Variants in MAP3K14 observed in about 807,000 individuals in gnomAD.
MAP3K14 encodes mitogen-activated protein kinase kinase kinase 14.
In MAP3K14, 16 loss-of-function variants were observed where a neutral mutation model predicts 99.2. That is an observed-to-expected ratio of 0.16 (90% confidence interval 0.11 to 0.24). The LOEUF (loss-of-function observed/expected upper bound fraction) is 0.24. Ranked by LOEUF, MAP3K14 falls within the 10% of genes least tolerant of loss-of-function variation. The pLI is 1.00. For synonymous variants in MAP3K14, 462 were observed against 492.4 expected (o/e 0.94, Z 0.82); for missense variants, 784 against 1,208.7 (o/e 0.65, Z 5.21).
chr17:45,269,174 C>G (rs2044123153), intron 11 of MAP3K14, among the ~76,000 whole-genome samples: 1 of 152,032 alleles, frequency 6.6e-6, no homozygotes, highest in African/African-American at 2.4e-5. Context: ...CCATGCCTGG[C>G]TAATTTTTAA....
intron 1 of MAP3K14, among the ~76,000 whole-genome samples, chr17:45,306,544 A>G (rs762034839): frequency 6.6e-6 from 1 of 152,212 alleles, no homozygotes; most frequent in Non-Finnish European, 1.5e-5. Flanking sequence ...CAGGCCTGAC[A>G]TAGCCAGGCC....
chr17:45,264,558 C>T lies in MAP3K14; in HGVS notation c.*78G>A, dbSNP rs2044054957. On this transcript the variant is annotated 3_prime_UTR_variant, in exon 16 of 16. Transcript: ENST00000344686. Reference sequence around the variant, plus strand: ...TGGCAGATCCCTGGGAACGGCTGAGCCTGTGTTTCAGGGCAGCATCGTGCA... The same window carrying T: ...TGGCAGATCCCTGGGAACGGCTGAGTCTGTGTTTCAGGGCAGCATCGTGCA... The T allele has an allele frequency of 2.1e-6, 3 of 1,443,884 alleles. No homozygotes were observed. The highest frequency in any genetic ancestry group is 2.4e-5 in the Admixed American group (1 of 41,514). The allele number at this position is 1,443,884 out of a possible 1,614,324, so 89.4% of individuals were successfully genotyped here.
intron 14 of MAP3K14, among the ~76,000 whole-genome samples, chr17:45,266,072 A>T (rs1341053590): frequency 6.6e-6 from 1 of 152,240 alleles, no homozygotes; most frequent in Non-Finnish European, 1.5e-5. Flanking sequence ...TGTTGTAGCA[A>T]AGCCACATCA....
chr17:45,297,746 G>A (rs147715122), intron 1 of MAP3K14, among the ~76,000 whole-genome samples: 7,162 of 135,720 alleles, frequency 0.053, 238 homozygotes, highest in Non-Finnish European at 0.074. Context: ...TTGAGATGGA[G>A]TCTTGCTCTG....
chr17:45,293,321 G>A (rs921717751), intron 1 of MAP3K14, among the ~76,000 whole-genome samples: 10 of 152,146 alleles, frequency 6.6e-5, no homozygotes, highest in Admixed American at 3.9e-4. Flanking sequence ...ATGGCCCAAC[G>A]GAGGCTTCTG....
chr17:45,275,745 TTTTTC>T (rs1156818626), intron 6 of MAP3K14, among the ~76,000 whole-genome samples: 101 of 145,620 alleles, frequency 6.9e-4, no homozygotes, highest in Admixed American at 4.4e-3. Flanking sequence ...GGTGCATTTT[TTTTTC>T]TTTTCTTTTC....
rs1197062677 is a variant in MAP3K14, at chr17:45,272,602, A to T, written c.1657+901T>A. The stretch of plus-strand genomic sequence containing the variant: ...ACAAAATTGTGTTATAATGGCCCTA[A>T]CTAGGCACAGGGAAAACAACAGCCT... On this transcript the variant is annotated intron_variant, in intron 9 of 15. Coordinates refer to ENST00000344686, the MANE Select transcript of MAP3K14 (RefSeq NM_003954.5). The surrounding 1 kb of genome is among the most constrained non-coding windows in gnomAD (Gnocchi z 4.1). 6.6e-6 allele frequency among the ~76,000 whole-genome samples: 1 copy of T among 152,214 alleles called. No individual in the cohort carries two copies. The highest frequency in any genetic ancestry group is 1.5e-5 in the Non-Finnish European group (1 of 68,038).
chr17:45,264,913 C>T (rs1367701598), intron 15 of MAP3K14, 113 bp from the exon 16 acceptor site: 5 of 1,159,220 alleles, frequency 4.3e-6, no homozygotes, highest in East Asian at 5.1e-5. Flanking sequence ...CACTGCCTGT[C>T]TGTCATTCCA....
At chr17:45,310,161 G>C (rs1053900764) in intron 1 of MAP3K14, among the ~76,000 whole-genome samples, 1 of 151,326 alleles carries the variant, frequency 6.6e-6, no homozygotes, top group African/African-American at 2.4e-5. Context: ...AGCCTCCCGA[G>C]TAGCTGGGAT....
intron 1 of MAP3K14, among the ~76,000 whole-genome samples, chr17:45,307,983 G>A (rs12449740): frequency 0.47 from 71,034 of 152,106 alleles, 17,000 homozygotes; most frequent in East Asian, 0.73. Context: ...TTGAGGACAT[G>A]AGTGGCAGAG....
intron 3 of MAP3K14, among the ~76,000 whole-genome samples, chr17:45,287,612 A>G (rs1473167282): frequency 6.6e-6 from 1 of 152,242 alleles, no homozygotes; most frequent in Non-Finnish European, 1.5e-5. Context: ...TTCATTTAAA[A>G]AGCCCAGCTC....
rs7223267 is a variant in MAP3K14 at position 45,291,561 on chromosome 17, C to T, written c.-20-796G>A. Among the ~76,000 whole-genome samples, 1,086 of 152,316 alleles carry T rather than the reference C, an allele frequency of 7.1e-3. 15 individuals are homozygous for T. The highest frequency in any genetic ancestry group is 0.024 in the African/African-American group (1,004 of 41,550). On this transcript the variant is annotated intron_variant, in intron 1 of 15. Coordinates refer to ENST00000344686, the MANE Select transcript of MAP3K14 (RefSeq NM_003954.5). The stretch of plus-strand genomic sequence containing the variant: ...ATAAAGAATAAAGCATAAGAATTCA[C>T]GTCTCTCTGGGTTCTGTCTTGCCCA...
At chr17:45,304,817 T>A (rs2044418613) in intron 1 of MAP3K14, among the ~76,000 whole-genome samples, 1 of 152,220 alleles carries the variant, frequency 6.6e-6, no homozygotes, top group African/African-American at 2.4e-5. Flanking sequence ...GTTTGAATCT[T>A]AGTTTCTCAA....
intron 1 of MAP3K14, among the ~76,000 whole-genome samples, chr17:45,304,474 T>C (rs2044416393): frequency 1.3e-5 from 2 of 152,360 alleles, no homozygotes; most frequent in South Asian, 4.1e-4. Flanking sequence ...TGGTAAGCTC[T>C]TGGGATTGGA....
intron 1 of MAP3K14, among the ~76,000 whole-genome samples, chr17:45,291,756 G>C (rs982052861): frequency 6.6e-6 from 1 of 152,238 alleles, no homozygotes; most frequent in African/African-American, 2.4e-5. Context: ...TCTCAGGCAT[G>C]ACTTGCTTTA....
Position 45,287,053 on chromosome 17 carries a change from G to C in MAP3K14, c.538-8C>G, listed in dbSNP as rs528700145. 2 of 1,609,296 alleles carry C rather than the reference G, an allele frequency of 1.2e-6. No individual in the cohort carries two copies. ...GAGTGGAGACTCATCCTCCTGCGGG[G>C]GGAAACACAGCTATCAGCACAGAGG... On this transcript the variant is annotated splice_polypyrimidine_tract_variant and splice_region_variant and intron_variant, in intron 4 of 15. Transcript: ENST00000344686.
intron 1 of MAP3K14, among the ~76,000 whole-genome samples, chr17:45,302,242 G>A (rs1048902072): frequency 3.3e-5 from 5 of 151,354 alleles, no homozygotes; most frequent in Admixed American, 2.0e-4. Context: ...GGGGATCCCC[G>A]TTAACAGTTT....
intron 1 of MAP3K14, among the ~76,000 whole-genome samples, chr17:45,294,991 T>C (rs1242903939): frequency 6.6e-6 from 1 of 152,214 alleles, no homozygotes; most frequent in Admixed American, 6.5e-5. Context: ...AGAGCGGTGT[T>C]TTCTCTGACA....
chr17:45,265,663 C>T (rs1409233328), intron 14 of MAP3K14, among the ~76,000 whole-genome samples: 1 of 152,206 alleles, frequency 6.6e-6, no homozygotes, highest in Non-Finnish European at 1.5e-5. Flanking sequence ...GTCTCGAACC[C>T]CTGACCTCAT....
Sources: allele counts gnomAD v4.1 joint callset (sites outside exome capture counted in the v4.1 genomes callset), GRCh38; gene constraint gnomAD v4.1.1; non-coding constraint Gnocchi (gnomAD v3.1); transcripts MANE v1.5; gene names NCBI Gene and HGNC (gene_info 2026-07-23, HGNC 2026-07-21).